TARBP1: variants seen among roughly 807,000 people sequenced by gnomAD.
TARBP1 encodes tRNA guanosine 2 -O-methyltransferase TARBP1.
TARBP1 carries 144 observed loss-of-function variants against 178.6 expected under a neutral mutation model. The observed-to-expected ratio is 0.81, with a 90% CI of 0.70 to 0.93. TARBP1 has a LOEUF of 0.93. Among genes scored for constraint, TARBP1 ranks in the 40% least tolerant of loss-of-function variants. TARBP1 has a pLI of 0.00. For missense variants in TARBP1, 2,067 were observed against 2,011.7 expected (o/e 1.03, Z -0.53); for synonymous variants, 787 against 781.0 (o/e 1.01, Z -0.13).
chr1:234,478,203 C>T lies in TARBP1; in HGVS notation c.901G>A (p.Asp301Asn). 1 of 1,611,812 alleles carries T rather than the reference C, an allele frequency of 6.2e-7. No homozygotes were observed. Among genetic ancestry groups the T allele is most frequent in the Non-Finnish European group, 8.5e-7 (1 of 1,179,568 alleles). The change falls in exon 1 of 30, where the codon GAC (aspartate) becomes AAC (asparagine). Residue 301 changes from aspartate (D) to asparagine (N), a missense_variant. Coordinates refer to ENST00000040877, the MANE Select transcript of TARBP1 (RefSeq NM_005646.4). ...CCTTCCTGGGGCCCGCAGGTGCAGTCGGCCCCCAGCTCCGCCGACACCTCC... is the reference window on the plus strand; with the variant it reads ...CCTTCCTGGGGCCCGCAGGTGCAGTTGGCCCCCAGCTCCGCCGACACCTCC... ...AVEVSAELGA[D>N]CTCGPQEGNG...
At chr1:234,446,665 A>AATTTCTTAATATATAATTATATT in intron 12 of TARBP1, 138 bp downstream of exon 12, 1 of 332,434 alleles carries the variant, frequency 3.0e-6, no homozygotes, top group Non-Finnish European at 4.6e-6. Flanking sequence ...ATAATTATAT[A>AATTTCTTAATATATAATTATATT]ATTTCTTAAA....
intron 24 of TARBP1, 50 bp from the exon 25 acceptor site, chr1:234,401,312 G>T: frequency 1.4e-6 from 2 of 1,397,868 alleles, no homozygotes; most frequent in Non-Finnish European, 1.0e-6. Context: ...AACAACTCTG[G>T]TGAGGGGAGA....
chr1:234,463,984 G>C (rs1668175287), intron 5 of TARBP1, 50 bp from the exon 6 acceptor site: 3 of 1,264,274 alleles, frequency 2.4e-6, no homozygotes, highest in Non-Finnish European at 2.2e-6. Flanking sequence ...ATTTACAAGT[G>C]ATTACACTAA....
intron 2 of TARBP1, among the ~76,000 whole-genome samples, chr1:234,472,355 A>G (rs4920181): frequency 0.21 from 29,196 of 136,094 alleles, 5,260 homozygotes; most frequent in East Asian, 0.83. Context: ...AAAAAAAAAA[A>G]AACTCAAAAG....
Position 234,450,512 on chromosome 1 carries a change from T to C in TARBP1, c.1777A>G (p.Ser593Gly). 6.2e-7 allele frequency: 1 copy of C among 1,612,072 alleles called. No homozygotes were observed. Among genetic ancestry groups the C allele is most frequent in the Non-Finnish European group, 8.5e-7 (1 of 1,179,320 alleles). Residue 593 changes from serine (S) to glycine (G), a missense_variant, in exon 10 of 30, where the codon AGC (serine) becomes GGC (glycine). Physicochemically the swap from Ser to Gly is moderately conservative, Grantham distance 56. Coordinates refer to ENST00000040877, the MANE Select transcript of TARBP1 (RefSeq NM_005646.4). ...ESYFKPSPTC[S>G]SIGLHKTSLN... ...GATGTCTTGTGAAGTCCAATGGAGC[T>C]ACACGTAGGGGATGGCTTAAAATAG...
In TARBP1 at chr1:234,429,181, G is replaced by T; in HGVS notation, c.3015C>A (p.Thr1005=). ...VQFVFDNKVL[T]IAAKIKGQAY... ...CCTGGCCCTTGATTTTGGCAGCAAT[G>T]GTAAGAACTTTGTTATCAAAAACAA... Residue 1005 remains threonine, a synonymous_variant, in exon 17 of 30, where the codon ACC becomes ACA. Transcript: ENST00000040877. 6.3e-7 allele frequency: 1 copy of T among 1,598,790 alleles called. No individual in the cohort carries two copies.
At chr1:234,427,903 T>C (rs191013728) in intron 17 of TARBP1, 137 bp from the exon 18 acceptor site, 404 of 486,652 alleles carry the variant, frequency 8.3e-4, no homozygotes, top group South Asian at 1.6e-3. Flanking sequence ...AGAATAACTT[T>C]GCGAGATGAT....
Position 234,391,388 on chromosome 1 carries a change from C to A in TARBP1, c.*189G>T, listed in dbSNP as rs1199404711. 6.4e-5 allele frequency: 28 copies of A among 440,632 alleles called. No homozygotes were observed. Among genetic ancestry groups the A allele is most frequent in the Non-Finnish European group, 1.0e-4 (26 of 253,680 alleles). 27.3% of individuals were successfully genotyped at this position (440,632 alleles called of 1,614,324 possible). Reference sequence around the variant, plus strand: ...TTATTAAAGGAAGAATACAATTTAACAAAAAGTGTTTATTAAAGGGGAAAA... The same window carrying A: ...TTATTAAAGGAAGAATACAATTTAAAAAAAAGTGTTTATTAAAGGGGAAAA... On this transcript the variant is annotated 3_prime_UTR_variant, in exon 30 of 30. Transcript: ENST00000040877.
intron 26 of TARBP1, among the ~76,000 whole-genome samples, chr1:234,395,543 G>A (rs1366359905): frequency 6.6e-6 from 1 of 152,214 alleles, no homozygotes; most frequent in Admixed American, 6.5e-5. Context: ...ACCATTAATA[G>A]GGCATACAGA....
chr1:234,433,299 G>A (rs1664665377), intron 14 of TARBP1, 111 bp downstream of exon 14: 2 of 1,196,156 alleles, frequency 1.7e-6, no homozygotes, highest in East Asian at 4.9e-5. Flanking sequence ...TTTTAAAACT[G>A]AATTTTAGTT....
chr1:234,421,584 C>A (rs950426515), intron 20 of TARBP1, among the ~76,000 whole-genome samples: 7 of 152,196 alleles, frequency 4.6e-5, no homozygotes, highest in Non-Finnish European at 7.3e-5. Context: ...CACTAAGAAG[C>A]CACCCCAGTA....
At chr1:234,438,450 A>C (rs1027190649) in intron 12 of TARBP1, among the ~76,000 whole-genome samples, 1 of 152,218 alleles carries the variant, frequency 6.6e-6, no homozygotes, top group Non-Finnish European at 1.5e-5. Flanking sequence ...GAAACAGAAG[A>C]TATATAGAAA....
chr1:234,427,998 A>C (rs1230922012), intron 17 of TARBP1, among the ~76,000 whole-genome samples: 1 of 152,238 alleles, frequency 6.6e-6, no homozygotes, highest in Non-Finnish European at 1.5e-5. Context: ...AGGACTCTTC[A>C]AGAGAAACAA....
chr1:234,479,045 AGCAGGGCCC>A lies in TARBP1; in HGVS notation c.50_58del (p.Arg17_Leu19del). The A allele has an allele frequency of 6.5e-7, 1 of 1,539,328 alleles. No homozygotes were observed. Among genetic ancestry groups the A allele is most frequent in the Non-Finnish European group, 8.7e-7 (1 of 1,155,902 alleles). On this transcript the variant is annotated inframe_deletion, in exon 1 of 30. Coordinates refer to ENST00000040877, the MANE Select transcript of TARBP1 (RefSeq NM_005646.4). ...TGCCTCCCCTTGGCACAGCGCCCCA[AGCAGGGCCC>A]GGGGGTCCCGGCTCTGCGAGAGCAG...
chr1:234,443,589 T>C (rs2103189663), intron 12 of TARBP1, among the ~76,000 whole-genome samples: 1 of 152,160 alleles, frequency 6.6e-6, no homozygotes, highest in South Asian at 2.1e-4. Context: ...TTAAACAGAA[T>C]TACCATATGA....
At chr1:234,457,911 A>C (rs1667443110) in intron 8 of TARBP1, among the ~76,000 whole-genome samples, 155 bp from the exon 9 acceptor site, 1 of 152,204 alleles carries the variant, frequency 6.6e-6, no homozygotes, top group Non-Finnish European at 1.5e-5. Context: ...AAATCAAAAG[A>C]AAGCAAATAA....
chr1:234,431,750 G>A (rs1298620197), intron 14 of TARBP1, among the ~76,000 whole-genome samples: 1 of 152,190 alleles, frequency 6.6e-6, no homozygotes, highest in African/African-American at 2.4e-5. Flanking sequence ...AAATAATGTA[G>A]GTCACACAGC....
chr1:234,450,715 G>T, intron 9 of TARBP1, 149 bp from the exon 10 acceptor site: 1 of 875,144 alleles, frequency 1.1e-6, no homozygotes, highest in Non-Finnish European at 1.7e-6. Context: ...TCATACTTGA[G>T]TTCCACAGAC....
At chr1:234,454,865 TC>T (rs2103240466) in intron 9 of TARBP1, among the ~76,000 whole-genome samples, 1 of 152,278 alleles carries the variant, frequency 6.6e-6, no homozygotes, top group Non-Finnish European at 1.5e-5. Flanking sequence ...ATTTAAGTAT[TC>T]TCAGATGGGG....
Sources: gnomAD v4.1 joint callset for allele counts (sites outside exome capture counted in the v4.1 genomes callset) on GRCh38, gnomAD v4.1.1 for gene constraint, MANE v1.5 for transcripts, NCBI Gene and HGNC (gene_info 2026-07-23, HGNC 2026-07-21) for gene names.